CNTNAP3B: variants seen among roughly 807,000 people sequenced by gnomAD.
CNTNAP3B encodes the protein contactin-associated protein-like 3B.
Under a neutral mutation model 108.9 loss-of-function variants are expected in CNTNAP3B, and 25 were observed. The ratio of observed to expected loss-of-function variants is 0.23; its 90% CI spans 0.17 to 0.32. The LOEUF (loss-of-function observed/expected upper bound fraction) is 0.32. Ranked by LOEUF, CNTNAP3B falls within the 10% of genes least tolerant of loss-of-function variation. CNTNAP3B has a pLI of 1.00. For missense variants in CNTNAP3B, 252 were observed against 1,210.4 expected (o/e 0.21, Z 11.75); for synonymous variants, 103 against 473.4 (o/e 0.22, Z 10.16).
At chr9:42,035,486 C>A (rs1826605389) in intron 3 of CNTNAP3B, among the ~76,000 whole-genome samples, 3 of 146,182 alleles carry the variant, frequency 2.1e-5, no homozygotes, top group Admixed American at 2.0e-4. Context: ...ATAATAAAGA[C>A]TCTGGAACCA....
chr9:42,026,774 G>A (rs1410025215), intron 3 of CNTNAP3B, among the ~76,000 whole-genome samples: 1 of 135,836 alleles, frequency 7.4e-6, no homozygotes, highest in Non-Finnish European at 1.6e-5. Flanking sequence ...GGACCTGTGA[G>A]CCTGTATTAC....
chr9:41,933,686 A>G (rs1280537139), intron 14 of CNTNAP3B, among the ~76,000 whole-genome samples: 8 of 152,396 alleles, frequency 5.2e-5, no homozygotes, highest in Middle Eastern at 3.4e-3. Flanking sequence ...TGGATTTTCT[A>G]TGTAGGCAAT....
chr9:41,915,709 TG>T (rs1486396175), intron 18 of CNTNAP3B, among the ~76,000 whole-genome samples: 6 of 145,840 alleles, frequency 4.1e-5, no homozygotes, highest in South Asian at 2.2e-4. Context: ...GTTTGTTAAA[TG>T]TTTTTTTTTT....
chr9:41,966,853 G>A (rs1244878733), intron 10 of CNTNAP3B, among the ~76,000 whole-genome samples: 7 of 150,246 alleles, frequency 4.7e-5, no homozygotes, highest in African/African-American at 1.7e-4. Flanking sequence ...TGTAGTTCCA[G>A]CTACTCGGGA....
intron 3 of CNTNAP3B, among the ~76,000 whole-genome samples, chr9:42,066,551 C>G (rs1280858027): frequency 8.1e-6 from 1 of 124,064 alleles, no homozygotes; most frequent in African/African-American, 3.3e-5. Context: ...CTCAGCCTTC[C>G]GAGTAGCTGG....
At chr9:41,930,809 C>G (rs1823955385) in intron 14 of CNTNAP3B, among the ~76,000 whole-genome samples, 1 of 152,318 alleles carries the variant, frequency 6.6e-6, no homozygotes, top group Admixed American at 6.5e-5. Flanking sequence ...AATTTTGTCT[C>G]TGGCCAAAAT....
chr9:42,080,176 C>T (rs1417454647), intron 2 of CNTNAP3B, among the ~76,000 whole-genome samples: 2 of 137,516 alleles, frequency 1.5e-5, no homozygotes, highest in African/African-American at 5.8e-5. Context: ...GAGGGAGCCA[C>T]TAGCCATCCC....
rs1231783803 is a variant in CNTNAP3B, at chr9:41,990,508, G to C, written c.1333+1102C>G. ...GGCCCCGCCCTCCGAATTTCTTCAC[G>C]GGTCTTGAAATCGTGCTTTCGTACC... On this transcript the variant is annotated intron_variant, in intron 8 of 23. Transcript: ENST00000377561. Among the ~76,000 whole-genome samples, 3 of 128,958 alleles carry C rather than the reference G, an allele frequency of 2.3e-5. No homozygotes were observed. In the Admixed American group the frequency reaches 2.4e-4, roughly 10 times the overall value. The allele number at this position is 128,958 out of a possible 152,430, so 84.6% of individuals were successfully genotyped here. A position where few individuals can be genotyped will look rare whatever the true frequency, so the allele number is the denominator to read the frequency against.
At chr9:41,914,547 T>C (rs1588036104) in intron 18 of CNTNAP3B, among the ~76,000 whole-genome samples, 2 of 151,956 alleles carry the variant, frequency 1.3e-5, no homozygotes, top group East Asian at 3.8e-4. Context: ...TTTGTTGTTG[T>C]TGTTGCCCGT....
intron 18 of CNTNAP3B, among the ~76,000 whole-genome samples, chr9:41,919,171 G>C (rs1823600102): frequency 6.6e-6 from 1 of 151,660 alleles, no homozygotes; most frequent in Non-Finnish European, 1.5e-5. Flanking sequence ...GTCTCACTCT[G>C]TCGCCCAGGA....
In CNTNAP3B at chr9:42,073,106, C is replaced by T. The variant is rs1037326134; in HGVS notation, c.390+3763G>A. Among the ~76,000 whole-genome samples, 26 of 133,690 alleles carry T rather than the reference C, an allele frequency of 1.9e-4. 3 individuals are homozygous for T. Among genetic ancestry groups the T allele is most frequent in the Non-Finnish European group, 3.6e-4 (23 of 63,584 alleles). The allele number at this position is 133,690 out of a possible 152,430, so 87.7% of individuals were successfully genotyped here. ...AAATTGCAGATAAGCAACTGTGGAT[C>T]TTTAATAATAGAAAACATTAGCATA... On this transcript the variant is annotated intron_variant, in intron 3 of 23. Coordinates refer to ENST00000377561, the MANE Select transcript of CNTNAP3B (RefSeq NM_001201380.3).
At chr9:41,961,765 A>C (rs1825099010) in intron 11 of CNTNAP3B, among the ~76,000 whole-genome samples, 1 of 152,306 alleles carries the variant, frequency 6.6e-6, no homozygotes, top group African/African-American at 2.4e-5. Flanking sequence ...CAGGAGAGAA[A>C]CTTTTTTGAA....
rs571081529 is a variant in CNTNAP3B at position 42,088,567 on chromosome 9, C to A, written c.197-11505G>T. Among the ~76,000 whole-genome samples, 2 of 139,124 alleles carry A rather than the reference C, an allele frequency of 1.4e-5. 1 individual carries two copies. Among genetic ancestry groups the A allele is most frequent in the Non-Finnish European group, 3.1e-5 (2 of 65,016 alleles). The allele number at this position is 139,124 out of a possible 152,430, so 91.3% of individuals were successfully genotyped here. ...TTTAAAATCTACATATTTCTTCAAT[C>A]GAAACACATTTTGCTATAGATAACT... On this transcript the variant is annotated intron_variant, in intron 2 of 23. Transcript: ENST00000377561.
intron 7 of CNTNAP3B, chr9:41,994,007 C>T (rs1403061341): frequency 7.0e-6 from 1 of 141,966 alleles, no homozygotes; most frequent in East Asian, 2.1e-4. Flanking sequence ...TGTGGTTCTC[C>T]TTATTGGCTA....
At chr9:41,973,943 C>A (rs1361342915) in intron 9 of CNTNAP3B, among the ~76,000 whole-genome samples, 1 of 136,880 alleles carries the variant, frequency 7.3e-6, no homozygotes, top group Non-Finnish European at 1.6e-5. Flanking sequence ...CTTCCAGGTT[C>A]AAGGAATTCT....
At position 42,119,710 on chromosome 9, in the gene CNTNAP3B, A is replaced by C. The variant is rs1828414280; in HGVS notation, c.85+9300T>G. On this transcript the variant is annotated intron_variant, in intron 1 of 23. Transcript: ENST00000377561. ...TCTGATCTTTGAGAAACCTGACAAAAATAAGCAATGGGGAAAGGATTCCCT... is the reference window on the plus strand; with the variant it reads ...TCTGATCTTTGAGAAACCTGACAAACATAAGCAATGGGGAAAGGATTCCCT... Among the ~76,000 whole-genome samples the C allele has an allele frequency of 3.6e-5, 5 of 139,738 alleles. No individual in the cohort carries two copies. The South Asian group carries it at 6.9e-4, about 19-fold the overall frequency. 91.7% of individuals were successfully genotyped at this position (139,738 alleles called of 152,430 possible).
chr9:41,944,344 G>A (rs1824459408), intron 13 of CNTNAP3B, among the ~76,000 whole-genome samples: 1 of 144,598 alleles, frequency 6.9e-6, no homozygotes, highest in South Asian at 2.2e-4. Context: ...TACTAACAAT[G>A]TATTGGGTGA....
At chr9:41,957,883 C>T (rs1296774401) in intron 12 of CNTNAP3B, among the ~76,000 whole-genome samples, 4 of 152,242 alleles carry the variant, frequency 2.6e-5, no homozygotes, top group Non-Finnish European at 4.4e-5. Flanking sequence ...TTCTCAGCCT[C>T]CCGAGTAGCT....
rs1161723846 is a variant in CNTNAP3B, at chr9:42,093,457, T to A, written c.196+11172A>T. The stretch of plus-strand genomic sequence containing the variant: ...TGGATCAGATCATATACTAATTTTT[T>A]AATTATGGTAATACACATCACAGGA... On this transcript the variant is annotated intron_variant, in intron 2 of 23. Transcript: ENST00000377561. Among the ~76,000 whole-genome samples, 4 of 93,634 alleles carry A rather than the reference T, an allele frequency of 4.3e-5. 1 individual carries two copies. Among genetic ancestry groups the A allele is most frequent in the Non-Finnish European group, 6.7e-5 (3 of 44,598 alleles). 61.4% of individuals were successfully genotyped at this position (93,634 alleles called of 152,430 possible). A position where few individuals can be genotyped will look rare whatever the true frequency, so the allele number is the denominator to read the frequency against.
Sources: gnomAD v4.1 joint callset for allele counts (sites outside exome capture counted in the v4.1 genomes callset) on GRCh38, gnomAD v4.1.1 for gene constraint, MANE v1.5 for transcripts, NCBI Gene and HGNC (gene_info 2026-07-23, HGNC 2026-07-21) for gene names.